ANKRD11: variants seen among roughly 807,000 people sequenced by gnomAD.
ANKRD11 encodes the protein ankyrin repeat domain-containing protein 11.
A neutral mutation model predicts 195.7 loss-of-function variants in ANKRD11; 17 were observed. That is an observed-to-expected ratio of 0.09 (90% confidence interval 0.06 to 0.13). ANKRD11 has a LOEUF of 0.13. ANKRD11 is among the 10% of genes least tolerant of loss of function. ANKRD11 has a pLI of 1.00. For missense variants in ANKRD11, 3,735 were observed against 3,566.1 expected (o/e 1.05, Z -1.21); for synonymous variants, 1,953 against 1,528.1 (o/e 1.28, Z -6.49).
At chr16:89,423,182 G>A (rs1374148123) in intron 1 of ANKRD11, among the ~76,000 whole-genome samples, 1 of 152,140 alleles carries the variant, frequency 6.6e-6, no homozygotes, top group Non-Finnish European at 1.5e-5. Flanking sequence ...AGCAAAGACA[G>A]GTCCCTACAC....
intron 1 of ANKRD11, among the ~76,000 whole-genome samples, chr16:89,460,145 G>T (rs892795743): frequency 6.6e-6 from 1 of 151,968 alleles, no homozygotes; most frequent in Admixed American, 6.6e-5. Flanking sequence ...GGCTGAGGCA[G>T]GAGAATCATT....
intron 2 of ANKRD11, among the ~76,000 whole-genome samples, chr16:89,382,395 G>A (rs1039755281): frequency 6.6e-5 from 10 of 151,840 alleles, no homozygotes; most frequent in Admixed American, 4.6e-4. Flanking sequence ...GTGCAATCTC[G>A]GCTCACTGCC....
At position 89,429,016 on chromosome 16, in the gene ANKRD11, T is replaced by G. The variant is rs540379720; in HGVS notation, c.-144-10648A>C. On this transcript the variant is annotated intron_variant, in intron 1 of 12. Coordinates refer to ENST00000301030, the MANE Select transcript of ANKRD11 (RefSeq NM_013275.6). ...AACATCTAAGATGCAATGAACAGAA[T>G]GTAAATGGGGGTTGGGGGGAGGGAA... 2.6e-5 allele frequency among the ~76,000 whole-genome samples: 4 copies of G among 152,228 alleles called. No individual in the cohort carries two copies. The East Asian group carries it at 7.7e-4, about 29-fold the overall frequency.
In ANKRD11 at chr16:89,343,282, C is replaced by T. The variant is rs114595062; in HGVS notation, c.-59-26204G>A. ...TGCTGGGATTACAGGTGTGAGCCAC[C>T]GCACTGGGCCTGAGCGCATTTTTTA... is the stretch of plus-strand genomic sequence containing the variant. On this transcript the variant is annotated intron_variant, in intron 2 of 12. Transcript: ENST00000301030. Among the ~76,000 whole-genome samples the T allele has an allele frequency of 3.8e-3, 577 of 152,326 alleles. 2 individuals are homozygous for T. The highest frequency in any genetic ancestry group is 0.013 in the African/African-American group (556 of 41,574).
intron 1 of ANKRD11, among the ~76,000 whole-genome samples, chr16:89,432,978 CTCTCTCTCTCT>C (rs2043056932): frequency 1.4e-5 from 2 of 144,602 alleles, no homozygotes; most frequent in African/African-American, 2.7e-5. Context: ...CTCTCTCTCT[CTCTCTCTCTCT>C]CCTCTCTCTC....
At chr16:89,300,916 G>A (rs2035813075) in intron 4 of ANKRD11, 5 of 700,602 alleles carry the variant, frequency 7.1e-6, no homozygotes, top group Admixed American at 6.0e-5. Flanking sequence ...CGCTCCTGAC[G>A]AGGGCTCCCT....
intron 1 of ANKRD11, among the ~76,000 whole-genome samples, chr16:89,462,110 C>T (rs1009734851): frequency 7.0e-5 from 10 of 142,192 alleles, no homozygotes; most frequent in East Asian, 2.3e-4. Context: ...TCTCTTTCCA[C>T]GGTCTCCCTC....
chr16:89,356,710 G>C (rs2039492302), intron 2 of ANKRD11, among the ~76,000 whole-genome samples: 1 of 150,458 alleles, frequency 6.6e-6, no homozygotes. Flanking sequence ...GAACCCGGGA[G>C]GCCGAGCTTG....
At chr16:89,455,960 G>A (rs145684000) in intron 1 of ANKRD11, among the ~76,000 whole-genome samples, 41 of 152,268 alleles carry the variant, frequency 2.7e-4, no homozygotes, top group Admixed American at 1.2e-3. Flanking sequence ...GAAACAGGTA[G>A]GGCGTGGTGG....
chr16:89,377,151 G>T (rs1221725709), intron 2 of ANKRD11, among the ~76,000 whole-genome samples: 1 of 152,166 alleles, frequency 6.6e-6, no homozygotes, highest in Non-Finnish European at 1.5e-5. Context: ...CAGCAGAGGC[G>T]TCAACGTGGT....
At chr16:89,465,848 CT>C (rs1436779671) in intron 1 of ANKRD11, among the ~76,000 whole-genome samples, 3 of 152,190 alleles carry the variant, frequency 2.0e-5, no homozygotes, top group Non-Finnish European at 4.4e-5. Flanking sequence ...GTAGCTGGGA[CT>C]GCAGGCGCCC....
At chr16:89,305,372 G>C in intron 3 of ANKRD11, 28 bp from the exon 4 acceptor site, 1 of 1,613,606 alleles carries the variant, frequency 6.2e-7, no homozygotes, top group Non-Finnish European at 8.5e-7. Flanking sequence ...GCTTTCAGTC[G>C]TGATGTCCAA....
At chr16:89,441,703 T>C (rs530754189) in intron 1 of ANKRD11, among the ~76,000 whole-genome samples, 1 of 131,554 alleles carries the variant, frequency 7.6e-6, no homozygotes, top group Non-Finnish European at 1.5e-5. Flanking sequence ...GGAGGCGGAC[T>C]ATGCAGTGAG....
chr16:89,377,206 G>A (rs1299320592), intron 2 of ANKRD11, among the ~76,000 whole-genome samples: 2 of 152,102 alleles, frequency 1.3e-5, no homozygotes, highest in African/African-American at 2.4e-5. Flanking sequence ...CCTCTAGATC[G>A]GGGTCATAGG....
intron 2 of ANKRD11, among the ~76,000 whole-genome samples, chr16:89,348,873 T>TAAAAA (rs754111553): frequency 1.4e-4 from 18 of 130,416 alleles, no homozygotes; most frequent in African/African-American, 5.1e-4. Flanking sequence ...TTATTGTCTT[T>TAAAAA]AAAAAAAAAA....
chr16:89,294,748 C>T (rs754361431), intron 4 of ANKRD11, among the ~76,000 whole-genome samples: 1 of 152,326 alleles, frequency 6.6e-6, no homozygotes, highest in East Asian at 1.9e-4. Context: ...TCAGGCACCA[C>T]ACAAGTGGGT....
intron 3 of ANKRD11, among the ~76,000 whole-genome samples, chr16:89,309,150 G>A (rs1464874756): frequency 2.0e-5 from 3 of 152,192 alleles, no homozygotes; most frequent in Non-Finnish European, 2.9e-5. Flanking sequence ...CCCACACACT[G>A]AGCCCTGGCA....
At chr16:89,292,803 T>C (rs879415417) in intron 4 of ANKRD11, among the ~76,000 whole-genome samples, 10 of 152,238 alleles carry the variant, frequency 6.6e-5, no homozygotes, top group Non-Finnish European at 1.3e-4. Flanking sequence ...ATCATTGGCG[T>C]AGCCACACCT....
rs561456095 is a variant in ANKRD11 at position 89,346,227 on chromosome 16, G to A, written c.-59-29149C>T. On this transcript the variant is annotated intron_variant, in intron 2 of 12. Transcript: ENST00000301030. ...CACGCCACGGCACTCCAGCCTGGGC[G>A]ACAGAGGGAGACCCCGTCTCAGGAA... is the stretch of plus-strand genomic sequence containing the variant. Among the ~76,000 whole-genome samples the A allele has an allele frequency of 8.8e-5, 12 of 136,422 alleles. No individual in the cohort carries two copies. The East Asian group carries it at 1.7e-3, about 19-fold the overall frequency. 89.5% of individuals were successfully genotyped at this position (136,422 alleles called of 152,430 possible).
Sources: gnomAD v4.1 joint callset for allele counts (sites outside exome capture counted in the v4.1 genomes callset) on GRCh38, gnomAD v4.1.1 for gene constraint, MANE v1.5 for transcripts, NCBI Gene and HGNC (gene_info 2026-07-23, HGNC 2026-07-21) for gene names.